The following KCND2 variants were observed in gnomAD, a reference collection of about 807,000 sequenced individuals.
KCND2 encodes potassium voltage-gated channel subfamily D member 2, also known as A-type voltage-gated potassium channel KCND2.
In KCND2, 16 loss-of-function variants were observed where a neutral mutation model predicts 54.4. That is an observed-to-expected ratio of 0.29 (90% confidence interval 0.20 to 0.45). KCND2 has a LOEUF of 0.45. Among genes scored for constraint, KCND2 ranks in the 20% least tolerant of loss-of-function variants. The probability of loss-of-function intolerance (pLI) is 1.00; values close to 1 mark genes in which losing one functional copy is unlikely to be tolerated. For synonymous variants in KCND2, 317 were observed against 310.7 expected (o/e 1.02, Z -0.21); for missense variants, 486 against 824.2 (o/e 0.59, Z 5.02).
At chr7:120,338,666 T>C (rs2116361277) in intron 1 of KCND2, among the ~76,000 whole-genome samples, 1 of 152,278 alleles carries the variant, frequency 6.6e-6, no homozygotes, top group South Asian at 2.1e-4. Flanking sequence ...ATGTTTTAAA[T>C]GTTTTGAAGG....
intron 1 of KCND2, chr7:120,464,193 G>A (rs1354103775): frequency 1.1e-5 from 4 of 372,712 alleles, no homozygotes; most frequent in South Asian, 1.1e-4. Context: ...GTTCGTGCAA[G>A]CTAGTTGGAT....
intron 1 of KCND2, among the ~76,000 whole-genome samples, chr7:120,595,025 G>GAA (rs1156421712): frequency 2.0e-5 from 2 of 97,772 alleles, no homozygotes; most frequent in Non-Finnish European, 2.2e-5. Context: ...CGTCTCAAAA[G>GAA]AAAAAAAAAA....
At chr7:120,498,087 A>G (rs369546024) in intron 1 of KCND2, among the ~76,000 whole-genome samples, 39 of 152,246 alleles carry the variant, frequency 2.6e-4, no homozygotes, top group African/African-American at 9.2e-4. Context: ...CATTTTAAAA[A>G]CTATCAGGTA....
intron 1 of KCND2, among the ~76,000 whole-genome samples, chr7:120,717,663 G>C (rs781718020): frequency 3.9e-5 from 6 of 151,964 alleles, no homozygotes; most frequent in Non-Finnish European, 8.8e-5. Flanking sequence ...CCACCTACTT[G>C]TAAGATTATC....
chr7:120,629,124 G>A (rs1286771275), intron 1 of KCND2, among the ~76,000 whole-genome samples: 1 of 152,210 alleles, frequency 6.6e-6, no homozygotes, highest in East Asian at 1.9e-4. Flanking sequence ...ACTGTGGGAT[G>A]AATTTTTTCA....
intron 1 of KCND2, among the ~76,000 whole-genome samples, chr7:120,662,629 T>C (rs1260454527): frequency 1.3e-5 from 2 of 152,236 alleles, no homozygotes; most frequent in African/African-American, 4.8e-5. Flanking sequence ...ATTCTTTGTT[T>C]TTTTGGTTCC....
At chr7:120,552,084 G>A (rs1347241080) in intron 1 of KCND2, among the ~76,000 whole-genome samples, 1 of 152,112 alleles carries the variant, frequency 6.6e-6, no homozygotes, top group Non-Finnish European at 1.5e-5. Flanking sequence ...CTTCCCCCAA[G>A]AGAAACAAAA....
At chr7:120,687,980 T>C (rs1249748875) in intron 1 of KCND2, among the ~76,000 whole-genome samples, 1 of 152,172 alleles carries the variant, frequency 6.6e-6, no homozygotes, top group Non-Finnish European at 1.5e-5. Context: ...GCATTCAGTG[T>C]CTAGTTTGGA....
intron 1 of KCND2, among the ~76,000 whole-genome samples, chr7:120,478,080 A>G (rs377375318): frequency 2.0e-5 from 3 of 152,210 alleles, no homozygotes; most frequent in African/African-American, 7.2e-5. Context: ...TGCATTACAC[A>G]TTAATTCAAT....
intron 1 of KCND2, among the ~76,000 whole-genome samples, chr7:120,316,840 A>ATT (rs1211451508): frequency 3.5e-4 from 52 of 148,128 alleles, no homozygotes; most frequent in African/African-American, 1.3e-3. Flanking sequence ...ATTGCAGATA[A>ATT]TTTTTTTTTT....
rs374060282 is a variant in KCND2 at position 120,347,041 on chromosome 7, CT to C, written c.1115+71304del. On this transcript the variant is annotated intron_variant, in intron 1 of 5. Transcript: ENST00000331113. The stretch of plus-strand genomic sequence containing the variant: ...TGCTAGCCTTCAATGTCTCATGGCT[CT>C]TTTTTTTTTGTTCGAAGCTGTAATA... Among the ~76,000 whole-genome samples, 47 of 147,962 alleles carry C rather than the reference CT, an allele frequency of 3.2e-4. No individual in the cohort carries two copies. In the East Asian group the frequency reaches 5.1e-3, roughly 16 times the overall value.
At chr7:120,407,405 G>T (rs1276140506) in intron 1 of KCND2, among the ~76,000 whole-genome samples, 5 of 152,020 alleles carry the variant, frequency 3.3e-5, no homozygotes, top group Non-Finnish European at 7.4e-5. Flanking sequence ...AAGTGTGACA[G>T]CACTTCATGC....
At chr7:120,592,647 C>T (rs541551778) in intron 1 of KCND2, among the ~76,000 whole-genome samples, 6 of 152,274 alleles carry the variant, frequency 3.9e-5, no homozygotes, top group South Asian at 4.1e-4. Context: ...AAAGCACATT[C>T]GTCTTTCTTC....
intron 1 of KCND2, among the ~76,000 whole-genome samples, chr7:120,406,969 A>G (rs1801369777): frequency 1.3e-5 from 2 of 151,952 alleles, no homozygotes; most frequent in South Asian, 4.1e-4. Context: ...TCAAAACAGT[A>G]GTTTCATAAG....
chr7:120,591,596 A>T (rs1208165560), intron 1 of KCND2, among the ~76,000 whole-genome samples: 1 of 151,282 alleles, frequency 6.6e-6, no homozygotes, highest in Non-Finnish European at 1.5e-5. Flanking sequence ...ACCTTGCTTC[A>T]TACAGAATCA....
intron 1 of KCND2, among the ~76,000 whole-genome samples, chr7:120,470,279 C>A (rs1485812530): frequency 3.3e-5 from 5 of 152,044 alleles, no homozygotes; most frequent in Non-Finnish European, 7.4e-5. Context: ...AAATTTAGTT[C>A]TAAATGTTAA....
At chr7:120,413,532 C>T (rs1801480478) in intron 1 of KCND2, among the ~76,000 whole-genome samples, 1 of 151,866 alleles carries the variant, frequency 6.6e-6, no homozygotes, top group South Asian at 2.1e-4. Flanking sequence ...TATACACATA[C>T]ATAAATCTAG....
At chr7:120,678,797 C>G (rs1437214265) in intron 1 of KCND2, among the ~76,000 whole-genome samples, 1 of 145,664 alleles carries the variant, frequency 6.9e-6, no homozygotes, top group Non-Finnish European at 1.5e-5. Flanking sequence ...CACACACATT[C>G]TCTATCAATG....
At chr7:120,597,604 T>C (rs979836797) in intron 1 of KCND2, among the ~76,000 whole-genome samples, 4 of 152,174 alleles carry the variant, frequency 2.6e-5, no homozygotes, top group African/African-American at 9.7e-5. Flanking sequence ...CTTACATACT[T>C]GGGCATGCAG....
Sources: gnomAD v4.1 joint callset for allele counts (sites outside exome capture counted in the v4.1 genomes callset) on GRCh38, gnomAD v4.1.1 for gene constraint, MANE v1.5 for transcripts, NCBI Gene and HGNC (gene_info 2026-07-23, HGNC 2026-07-21) for gene names.